Variants in ENPP2 observed in about 807,000 individuals in gnomAD.
ENPP2 encodes the protein ectonucleotide pyrophosphatase/phosphodiesterase 2.
Under a neutral mutation model 120.2 loss-of-function variants are expected in ENPP2, and 51 were observed. The ratio of observed to expected loss-of-function variants is 0.42; its 90% CI spans 0.34 to 0.54. ENPP2 has a LOEUF of 0.54. ENPP2 is among the 20% of genes least tolerant of loss of function. The pLI, the probability that ENPP2 is intolerant of heterozygous loss-of-function variation, is 0.04. For synonymous variants in ENPP2, 365 were observed against 366.4 expected (o/e 1.00, Z 0.04); for missense variants, 920 against 1,066.5 (o/e 0.86, Z 1.91).
chr8:119,651,238 A>G (rs1246866376), intron 1 of ENPP2, among the ~76,000 whole-genome samples: 1 of 152,194 alleles, frequency 6.6e-6, no homozygotes, highest in African/African-American at 2.4e-5. Flanking sequence ...AGTCTCAAAA[A>G]TTTCAGAAAG....
At chr8:119,651,167 G>A (rs1817616250) in intron 1 of ENPP2, among the ~76,000 whole-genome samples, 2 of 152,222 alleles carry the variant, frequency 1.3e-5, no homozygotes, top group East Asian at 3.9e-4. Flanking sequence ...TTATAGATAG[G>A]GGATTTTTAA....
At chr8:119,613,947 T>C (rs1587482391) in intron 8 of ENPP2, among the ~76,000 whole-genome samples, 1 of 151,934 alleles carries the variant, frequency 6.6e-6, no homozygotes. Context: ...TACTGTATAA[T>C]AGAACACCCT....
chr8:119,582,226 A>G (rs1370771982), intron 18 of ENPP2, among the ~76,000 whole-genome samples, 192 bp downstream of exon 18: 1 of 152,264 alleles, frequency 6.6e-6, no homozygotes, highest in African/African-American at 2.4e-5. Context: ...TATGGTAGCC[A>G]CAAGCCACAT....
intron 23 of ENPP2, among the ~76,000 whole-genome samples, chr8:119,563,376 C>T (rs1292241851): frequency 6.6e-6 from 1 of 152,038 alleles, no homozygotes; most frequent in African/African-American, 2.4e-5. Flanking sequence ...TGGACTGGGG[C>T]ATTATTATTT....
At chr8:119,642,643 A>T (rs1050796837), upstream of ENPP2, among the ~76,000 whole-genome samples, 13 of 152,204 alleles carry the variant, frequency 8.5e-5, no homozygotes, top group African/African-American at 3.1e-4. Flanking sequence ...TAAAGTTTAG[A>T]TCTCTTAAAA....
intron 2 of ENPP2, among the ~76,000 whole-genome samples, chr8:119,632,333 A>G (rs2130809507): frequency 6.6e-6 from 1 of 152,354 alleles, no homozygotes; most frequent in East Asian, 1.9e-4. Flanking sequence ...AAATGTATCA[A>G]GGCAGAAATA....
At chr8:119,624,611 G>A (rs1416599527) in intron 3 of ENPP2, among the ~76,000 whole-genome samples, 6 of 152,006 alleles carry the variant, frequency 3.9e-5, no homozygotes, top group Non-Finnish European at 8.8e-5. Context: ...GTAAAACTCA[G>A]GGAAATATTC....
chr8:119,621,705 G>T (rs1815910308), intron 3 of ENPP2, among the ~76,000 whole-genome samples, 186 bp from the exon 4 acceptor site: 2 of 152,158 alleles, frequency 1.3e-5, no homozygotes, highest in Admixed American at 1.3e-4. Flanking sequence ...GAATTTCTAA[G>T]TTTTCAAATC....
At chr8:119,664,937 C>A (rs1818027419) in intron 1 of ENPP2, among the ~76,000 whole-genome samples, 1 of 152,172 alleles carries the variant, frequency 6.6e-6, no homozygotes, top group Non-Finnish European at 1.5e-5. Context: ...TGAAATGTAT[C>A]ATCTCACATT....
chr8:119,663,843 C>T (rs916626616), intron 1 of ENPP2, among the ~76,000 whole-genome samples: 1 of 152,152 alleles, frequency 6.6e-6, no homozygotes, highest in Non-Finnish European at 1.5e-5. Flanking sequence ...AAAATGTAGG[C>T]GTCCCTCATG....
intron 9 of ENPP2, among the ~76,000 whole-genome samples, chr8:119,606,178 C>CA (rs1008012938): frequency 5.3e-5 from 8 of 150,380 alleles, no homozygotes; most frequent in South Asian, 2.1e-4. Flanking sequence ...TAAAATACTT[C>CA]AAAAAAAAGG....
At position 119,620,862 on chromosome 8, in the gene ENPP2, A is replaced by C. The variant is rs567450934; in HGVS notation, c.418+532T>G. On this transcript the variant is annotated intron_variant, in intron 4 of 24. Coordinates refer to ENST00000075322, the MANE Select transcript of ENPP2 (RefSeq NM_001040092.3). ...GTACCCCCATCCCTGGGCAGTTGCC[A>C]ATGCCTTGGTGAACAGTGTACATCC... 1.8e-3 allele frequency among the ~76,000 whole-genome samples: 273 copies of C among 152,302 alleles called. 2 individuals are homozygous for C. The highest frequency in any genetic ancestry group is 2.8e-3 in the Non-Finnish European group (189 of 68,028).
At chr8:119,588,724 C>T (rs922160914) in intron 13 of ENPP2, among the ~76,000 whole-genome samples, 1 of 151,872 alleles carries the variant, frequency 6.6e-6, no homozygotes, top group South Asian at 2.1e-4. Context: ...CTCAAAGGGA[C>T]GAAATAAAGT....
intron 24 of ENPP2, among the ~76,000 whole-genome samples, chr8:119,562,552 T>C (rs920324244): frequency 6.6e-6 from 1 of 152,248 alleles, no homozygotes; most frequent in Non-Finnish European, 1.5e-5. Flanking sequence ...TAGTTCCTAC[T>C]TTTTTATAAA....
chr8:119,610,626 G>C (rs1815032108), intron 8 of ENPP2, among the ~76,000 whole-genome samples: 1 of 151,962 alleles, frequency 6.6e-6, no homozygotes, highest in South Asian at 2.1e-4. Flanking sequence ...AATCAGGCCA[G>C]GTGTGGTGGC....
intron 13 of ENPP2, among the ~76,000 whole-genome samples, chr8:119,589,616 G>T (rs1160707143): frequency 6.6e-6 from 1 of 152,090 alleles, no homozygotes; most frequent in African/African-American, 2.4e-5. Flanking sequence ...AGGAGAGAGG[G>T]CAGAAACACC....
intron 12 of ENPP2, among the ~76,000 whole-genome samples, chr8:119,591,705 C>T (rs1813517238): frequency 6.6e-6 from 1 of 152,142 alleles, no homozygotes; most frequent in African/African-American, 2.4e-5. Flanking sequence ...GATCCCAGAT[C>T]CAGAACCTTC....
intron 3 of ENPP2, among the ~76,000 whole-genome samples, chr8:119,623,382 T>A (rs1209381870): frequency 6.6e-6 from 1 of 151,912 alleles, no homozygotes. Context: ...GGAGAATCGC[T>A]TGAACCCAGG....
At chr8:119,615,698 C>CT (rs1438231271) in intron 8 of ENPP2, among the ~76,000 whole-genome samples, 1 of 151,962 alleles carries the variant, frequency 6.6e-6, no homozygotes, top group Non-Finnish European at 1.5e-5. Flanking sequence ...AGTGAGTTCC[C>CT]TTTTTTTCCA....
Sources: gnomAD v4.1 joint callset for allele counts (sites outside exome capture counted in the v4.1 genomes callset) on GRCh38, gnomAD v4.1.1 for gene constraint, MANE v1.5 for transcripts, NCBI Gene and HGNC (gene_info 2026-07-23, HGNC 2026-07-21) for gene names.